The following SLC8A1 variants were observed in gnomAD, a reference collection of about 807,000 sequenced individuals.
SLC8A1 encodes sodium/calcium exchanger 1.
A neutral mutation model predicts 68.3 loss-of-function variants in SLC8A1; 18 were observed. That is an observed-to-expected ratio of 0.26 (90% CI 0.18 to 0.39). The LOEUF (loss-of-function observed/expected upper bound fraction) is 0.39, where lower values mean the gene tolerates loss of function less well. Among genes scored for constraint, SLC8A1 ranks in the 10% least tolerant of loss-of-function variants. The probability of loss-of-function intolerance (pLI) is 1.00; values close to 1 mark genes in which losing one functional copy is unlikely to be tolerated. For synonymous variants in SLC8A1, 475 were observed against 415.5 expected (o/e 1.14, Z -1.74); for missense variants, 985 against 1,156.7 (o/e 0.85, Z 2.15).
intron 6 of SLC8A1, among the ~76,000 whole-genome samples, chr2:40,154,325 AC>A (rs2044019328): frequency 9.8e-6 from 1 of 101,720 alleles, no homozygotes; most frequent in South Asian, 3.1e-4. Context: ...TTTTTTTGAG[AC>A]GGAGTCTTGC....
intron 2 of SLC8A1, among the ~76,000 whole-genome samples, chr2:40,237,923 C>G (rs936467832): frequency 2.5e-5 from 3 of 118,020 alleles, no homozygotes; most frequent in African/African-American, 9.4e-5. Flanking sequence ...GCTCGGGGGT[C>G]AGGGGTCAGG....
intron 2 of SLC8A1, among the ~76,000 whole-genome samples, chr2:40,410,863 CA>C (rs1691909030): frequency 1.3e-5 from 2 of 151,932 alleles, no homozygotes; most frequent in Admixed American, 6.6e-5. Context: ...TGCCATTTAT[CA>C]GAAAAGAAAA....
chr2:40,225,837 T>G (rs759376617), intron 2 of SLC8A1, among the ~76,000 whole-genome samples: 1 of 152,116 alleles, frequency 6.6e-6, no homozygotes, highest in Non-Finnish European at 1.5e-5. Context: ...ATTCCTCTGG[T>G]GTAATTTTGT....
exon 8 of SLC8A1, chr2:40,100,254 G>T (rs889090169): frequency 3.3e-5 from 5 of 152,054 alleles, no homozygotes; most frequent in South Asian, 2.1e-4. Context: ...TAAGCTAAGA[G>T]AAAATTTTAA....
chr2:40,373,780 G>A (rs964862728), intron 2 of SLC8A1, among the ~76,000 whole-genome samples: 1 of 152,038 alleles, frequency 6.6e-6, no homozygotes, highest in Non-Finnish European at 1.5e-5. Flanking sequence ...CAGGTGGCAT[G>A]AGAGTACTGA....
At chr2:40,158,716 T>C (rs1371933970) in intron 6 of SLC8A1, among the ~76,000 whole-genome samples, 3 of 152,102 alleles carry the variant, frequency 2.0e-5, no homozygotes, top group Non-Finnish European at 4.4e-5. Flanking sequence ...ACTGGACCAG[T>C]CTTCATTAGA....
chr2:40,310,315 G>A lies in SLC8A1; in HGVS notation c.1808+118158C>T, dbSNP rs1379247453. On this transcript the variant is annotated intron_variant, in intron 2 of 7. Coordinates refer to ENST00000406785, the Ensembl canonical transcript of SLC8A1. ...GGGTTATGGGAAACCCAAGTAGTTG[G>A]GTTAACCCAGTGAGACATGAAAAAC... Among the ~76,000 whole-genome samples, 4 of 152,138 alleles carry A rather than the reference G, an allele frequency of 2.6e-5. No individual in the cohort carries two copies. The South Asian group carries it at 6.2e-4, about 24-fold the overall frequency.
intron 1 of SLC8A1, among the ~76,000 whole-genome samples, chr2:40,438,468 T>A (rs1379136228): frequency 6.6e-6 from 1 of 152,176 alleles, no homozygotes; most frequent in African/African-American, 2.4e-5. Context: ...GAGTAGCTTC[T>A]ATGTGCAAAG....
chr2:40,387,593 ACTAT>A (rs1333251075), intron 2 of SLC8A1, among the ~76,000 whole-genome samples: 3 of 151,384 alleles, frequency 2.0e-5, no homozygotes, highest in African/African-American at 7.4e-5. Flanking sequence ...TTCATAATAA[ACTAT>A]CTATGCTAAT....
intron 2 of SLC8A1, among the ~76,000 whole-genome samples, chr2:40,339,603 TTAAC>T (rs1268213460): frequency 9.2e-5 from 14 of 152,296 alleles, no homozygotes; most frequent in South Asian, 2.1e-4. Flanking sequence ...TCAGTAAATA[TTAAC>T]TAATATAGGT....
intron 2 of SLC8A1, among the ~76,000 whole-genome samples, chr2:40,359,691 C>G (rs1390926430): frequency 6.6e-6 from 1 of 151,910 alleles, no homozygotes; most frequent in Non-Finnish European, 1.5e-5. Context: ...CTGAGAAACC[C>G]CAAAGGGCAG....
At position 40,242,108 on chromosome 2, in the gene SLC8A1, C is replaced by T. The variant is rs187473566; in HGVS notation, c.1809-64253G>A. ...TATATTGTTATATAAAGTGGTAACGCCTTACAATTTAAGTGTGAGAAGGAT... is the reference window on the plus strand; with the variant it reads ...TATATTGTTATATAAAGTGGTAACGTCTTACAATTTAAGTGTGAGAAGGAT... On this transcript the variant is annotated intron_variant, in intron 2 of 7. Transcript: ENST00000406785. Among the ~76,000 whole-genome samples the T allele has an allele frequency of 1.5e-3, 224 of 151,930 alleles. 4 individuals are homozygous for T. The highest frequency in any genetic ancestry group is 0.014 in the Admixed American group (211 of 15,248).
chr2:40,385,291 C>A (rs191157049), intron 2 of SLC8A1, among the ~76,000 whole-genome samples: 3 of 146,494 alleles, frequency 2.0e-5, no homozygotes, highest in Non-Finnish European at 1.5e-5. Flanking sequence ...GTTTTTGAGA[C>A]ATACTACTGT....
chr2:40,219,333 T>C (rs531886087), intron 2 of SLC8A1, among the ~76,000 whole-genome samples: 2 of 152,354 alleles, frequency 1.3e-5, no homozygotes, highest in African/African-American at 4.8e-5. Context: ...GGAGTAATTG[T>C]GGCAATTGCC....
chr2:40,252,176 A>G (rs1035158713), intron 2 of SLC8A1, among the ~76,000 whole-genome samples: 1 of 152,238 alleles, frequency 6.6e-6, no homozygotes, highest in African/African-American at 2.4e-5. Flanking sequence ...GAGAGAATTT[A>G]CAGGTGGCTG....
Position 40,178,483 on chromosome 2 carries a change from A to C in SLC8A1, c.1809-628T>G, listed in dbSNP as rs140670652. 5 of 1,612,534 alleles carry C rather than the reference A, an allele frequency of 3.1e-6. No individual in the cohort carries two copies. In the African/African-American group the frequency reaches 6.7e-5, roughly 22 times the overall value. ...TCCTCATCATCAATTACCTTGACTGATATTGTTTTGCTGAAACAGAGAATA... is the reference window on the plus strand; with the variant it reads ...TCCTCATCATCAATTACCTTGACTGCTATTGTTTTGCTGAAACAGAGAATA... On this transcript the variant is annotated intron_variant, in intron 2 of 7. Transcript: ENST00000406785.
At chr2:40,098,942 G>C (rs953422511) in exon 8 of SLC8A1, 3 of 151,918 alleles carry the variant, frequency 2.0e-5, no homozygotes, top group African/African-American at 7.2e-5. Context: ...GTTTCGTTTA[G>C]GCCATTTTCC....
At chr2:40,124,684 C>T (rs1468094839) in intron 7 of SLC8A1, among the ~76,000 whole-genome samples, 1 of 152,170 alleles carries the variant, frequency 6.6e-6, no homozygotes, top group African/African-American at 2.4e-5. Flanking sequence ...GGCAATTTTA[C>T]AAACACACAA....
exon 8 of SLC8A1, chr2:40,114,984 T>C (rs2035057866): frequency 9.4e-6 from 2 of 211,858 alleles, no homozygotes; most frequent in Non-Finnish European, 1.8e-5. Context: ...AATCAAAGCC[T>C]TAAGGATTTA....
Sources: gnomAD v4.1 joint callset for allele counts (sites outside exome capture counted in the v4.1 genomes callset) on GRCh38, gnomAD v4.1.1 for gene constraint, MANE v1.5 for transcripts, NCBI Gene and HGNC (gene_info 2026-07-23, HGNC 2026-07-21) for gene names.